The following PLEKHB2 variants were observed in gnomAD, a reference collection of about 807,000 sequenced individuals.
The protein encoded by PLEKHB2 is pleckstrin homology domain containing B2, also known as pleckstrin homology domain-containing family B member 2.
Under a neutral mutation model 36.5 loss-of-function variants are expected in PLEKHB2, and 31 were observed. That is an observed-to-expected ratio of 0.85 (90% CI 0.64 to 1.15). The LOEUF (loss-of-function observed/expected upper bound fraction) is 1.15, where lower values mean the gene tolerates loss of function less well. Ranked by LOEUF, PLEKHB2 falls within the 50% of genes most tolerant of loss-of-function variation. The pLI is 0.00. For missense variants in PLEKHB2, 262 were observed against 295.3 expected (o/e 0.89, Z 0.83); for synonymous variants, 119 against 112.0 (o/e 1.06, Z -0.39).
intron 1 of PLEKHB2, among the ~76,000 whole-genome samples, chr2:131,119,798 G>T (rs577781389): frequency 2.0e-5 from 3 of 152,164 alleles, no homozygotes; most frequent in African/African-American, 7.2e-5. Context: ...TGTATCTGTT[G>T]AATTGAGTGG....
intron 7 of PLEKHB2, among the ~76,000 whole-genome samples, chr2:131,141,996 C>G (rs886834199): frequency 1.3e-5 from 2 of 152,186 alleles, no homozygotes; most frequent in Non-Finnish European, 2.9e-5. Context: ...TGGCTGGACC[C>G]TCTCCCAGCA....
intron 4 of PLEKHB2, 147 bp from the exon 5 acceptor site, chr2:131,130,574 C>G: frequency 4.5e-6 from 3 of 669,298 alleles, no homozygotes; most frequent in Non-Finnish European, 8.0e-6. Context: ...ATATATATTC[C>G]TAGTGCATGT....
At chr2:131,123,486 G>A (rs946773178) in intron 2 of PLEKHB2, among the ~76,000 whole-genome samples, 1 of 152,190 alleles carries the variant, frequency 6.6e-6, no homozygotes, top group Non-Finnish European at 1.5e-5. Flanking sequence ...CTGACCCAGT[G>A]GTTCCACCTG....
chr2:131,119,257 C>CA (rs895445466), intron 1 of PLEKHB2, among the ~76,000 whole-genome samples: 13 of 145,842 alleles, frequency 8.9e-5, no homozygotes, highest in East Asian at 6.0e-4. Context: ...ATCCATCTCA[C>CA]AAAAAAAAAA....
In PLEKHB2 at chr2:131,146,862, T is replaced by G; in HGVS notation, c.*89T>G. 1 of 1,141,414 alleles carries G rather than the reference T, an allele frequency of 8.8e-7. No homozygotes were observed. The highest frequency in any genetic ancestry group is 1.2e-6 in the Non-Finnish European group (1 of 804,882). 70.7% of individuals were successfully genotyped at this position (1,141,414 alleles called of 1,614,324 possible). A position where few individuals can be genotyped will look rare whatever the true frequency, so the allele number is the denominator to read the frequency against. On this transcript the variant is annotated 3_prime_UTR_variant, in exon 8 of 8. Transcript: ENST00000693505. The stretch of plus-strand genomic sequence containing the variant: ...GGCATTTCTGTTTGTGACAAAAGTT[T>G]TTAATAATAGTTTTAATCATTCCTT...
chr2:131,124,809 G>A (rs1696935323), intron 2 of PLEKHB2, among the ~76,000 whole-genome samples: 1 of 150,842 alleles, frequency 6.6e-6, no homozygotes, highest in Non-Finnish European at 1.5e-5. Context: ...TTTTGGAGAC[G>A]GAGTGTTGCT....
At chr2:131,112,845 C>T (rs1695466313) in intron 1 of PLEKHB2, among the ~76,000 whole-genome samples, 1 of 152,158 alleles carries the variant, frequency 6.6e-6, no homozygotes, top group South Asian at 2.1e-4. Context: ...GCTGTGGTAA[C>T]TAAAGACCCA....
chr2:131,111,358 GTC>G (rs1401644598), intron 1 of PLEKHB2, among the ~76,000 whole-genome samples: 42 of 141,440 alleles, frequency 3.0e-4, no homozygotes, highest in African/African-American at 1.1e-3. Context: ...CCATCTCTTG[GTC>G]TTTTTTTTTT....
chr2:131,144,211 G>T (rs1266440352), intron 7 of PLEKHB2, among the ~76,000 whole-genome samples: 1 of 152,208 alleles, frequency 6.6e-6, no homozygotes, highest in South Asian at 2.1e-4. Flanking sequence ...GCTGGTTAAG[G>T]CTCTCTCTTC....
chr2:131,125,816 A>G lies in PLEKHB2; in HGVS notation c.101A>G (p.Tyr34Cys), dbSNP rs759905613. The G allele has an allele frequency of 8.7e-6, 14 of 1,612,878 alleles. No individual in the cohort carries two copies. The highest frequency in any genetic ancestry group is 2.2e-5 in the East Asian group (1 of 44,864). Residue 34 changes from tyrosine (Y) to cysteine (C), a missense_variant, in exon 3 of 8, where the codon TAT (tyrosine) becomes TGT (cysteine). Tyr to Cys is a radical substitution (Grantham distance 194). Transcript: ENST00000693505. The part of the protein sequence containing the change: ...FDLWSDGHLI[Y>C]YDDQTRQNIE... ...CTGTGGTCGGATGGTCACCTGATCT[A>G]TTATGATGACCAGACTCGGCAGAAT...
rs115838009 is a variant in PLEKHB2 at position 131,141,801 on chromosome 2, A to G, written c.532+1526A>G. ...ACTTTCCATGAAACAACATATGATG[A>G]AACCAATTTTATGGTAGACTAATTG... On this transcript the variant is annotated intron_variant, in intron 7 of 7. Transcript: ENST00000693505. Among the ~76,000 whole-genome samples the G allele has an allele frequency of 5.2e-3, 788 of 152,352 alleles. 6 individuals carry two copies. The highest frequency in any genetic ancestry group is 0.01 in the Middle Eastern group (3 of 294).
At chr2:131,136,583 A>T (rs769827775) in intron 6 of PLEKHB2, among the ~76,000 whole-genome samples, 1 of 151,714 alleles carries the variant, frequency 6.6e-6, no homozygotes. Flanking sequence ...CACATACTGA[A>T]CCAGCCTTGC....
At chr2:131,135,523 G>T (rs1207102554) in intron 6 of PLEKHB2, among the ~76,000 whole-genome samples, 1 of 152,066 alleles carries the variant, frequency 6.6e-6, no homozygotes, top group Non-Finnish European at 1.5e-5. Flanking sequence ...TGTTGCCTTG[G>T]TTAGACCTTC....
At chr2:131,141,792 CAT>C (rs1698814796) in intron 7 of PLEKHB2, among the ~76,000 whole-genome samples, 1 of 152,076 alleles carries the variant, frequency 6.6e-6, no homozygotes, top group Non-Finnish European at 1.5e-5. Flanking sequence ...CATGAAACAA[CAT>C]ATGATGAAAC....
intron 5 of PLEKHB2, among the ~76,000 whole-genome samples, chr2:131,131,304 A>G (rs1036043846): frequency 1.3e-5 from 2 of 152,222 alleles, no homozygotes; most frequent in Non-Finnish European, 2.9e-5. Context: ...GTATTTCTCA[A>G]AGTTCTGCAA....
At chr2:131,135,687 T>C (rs1251745075) in intron 6 of PLEKHB2, among the ~76,000 whole-genome samples, 2 of 152,166 alleles carry the variant, frequency 1.3e-5, no homozygotes, top group East Asian at 1.9e-4. Context: ...CACTGCAAGC[T>C]CCGCCTCCCG....
chr2:131,125,482 T>A (rs531943785), intron 2 of PLEKHB2, among the ~76,000 whole-genome samples: 1 of 152,310 alleles, frequency 6.6e-6, no homozygotes, highest in South Asian at 2.1e-4. Flanking sequence ...GTTCTTTTTG[T>A]TTCTGCTGTG....
rs1179973127 is a variant in PLEKHB2, at chr2:131,132,873, C to A, written c.334-29C>A. ...AGCACACAGCTGCTGGGAAGCTGTCCTGTCCTCACCCTCTCCTGTCTCCCG... is the reference window on the plus strand; with the variant it reads ...AGCACACAGCTGCTGGGAAGCTGTCATGTCCTCACCCTCTCCTGTCTCCCG... On this transcript the variant is annotated intron_variant, in intron 5 of 7. Transcript: ENST00000693505. 3 of 1,308,184 alleles carry A rather than the reference C, an allele frequency of 2.3e-6. No homozygotes were observed. In the African/African-American group the frequency reaches 4.4e-5, roughly 19 times the overall value. 81.0% of individuals were successfully genotyped at this position (1,308,184 alleles called of 1,614,324 possible).
At chr2:131,119,493 G>A (rs1235768572) in intron 1 of PLEKHB2, among the ~76,000 whole-genome samples, 4 of 152,180 alleles carry the variant, frequency 2.6e-5, no homozygotes, top group African/African-American at 7.2e-5. Context: ...GTCCTCCGTC[G>A]TGGGGCATGT....
Sources: gnomAD v4.1 joint callset for allele counts (sites outside exome capture counted in the v4.1 genomes callset) on GRCh38, gnomAD v4.1.1 for gene constraint, MANE v1.5 for transcripts, NCBI Gene and HGNC (gene_info 2026-07-23, HGNC 2026-07-21) for gene names.